LRRC37A2: variants seen among roughly 807,000 people sequenced by gnomAD.
The protein encoded by LRRC37A2 is leucine rich repeat containing 37 member A2.
A neutral mutation model predicts 68.8 loss-of-function variants in LRRC37A2; 9 were observed. The ratio of observed to expected loss-of-function variants is 0.13; its 90% CI spans 0.08 to 0.23. The LOEUF (loss-of-function observed/expected upper bound fraction) is 0.23. LRRC37A2 is among the 10% of genes least tolerant of loss of function. The pLI, the probability that LRRC37A2 is intolerant of heterozygous loss-of-function variation, is 1.00. For synonymous variants in LRRC37A2, 63 were observed against 367.6 expected (o/e 0.17, Z 9.48); for missense variants, 168 against 950.4 (o/e 0.18, Z 10.82).
At chr17:46,833,336 T>C in the LRRC37A2 span, 11 of 517,344 alleles carry the variant, frequency 2.1e-5, no homozygotes, top group African/African-American at 3.8e-5. Context: ...TTGCTTCTTG[T>C]ATCAATTGCA....
chr17:46,900,164 T>TAC, the LRRC37A2 span, among the ~76,000 whole-genome samples: 1 of 17,994 alleles, frequency 5.6e-5, no homozygotes, highest in Non-Finnish European at 1.0e-4. Flanking sequence ...TATATATACA[T>TAC]ATACATATAT....
the LRRC37A2 span, among the ~76,000 whole-genome samples, chr17:46,739,728 T>TC: frequency 1.3e-4 from 19 of 144,634 alleles, no homozygotes; most frequent in African/African-American, 4.6e-4. Flanking sequence ...GTTCTTTTTT[T>TC]CTGATTTTTT....
intron 6 of LRRC37A2, among the ~76,000 whole-genome samples, chr17:46,533,832 G>A (rs1357566715): frequency 1.1e-5 from 1 of 94,450 alleles, no homozygotes; most frequent in African/African-American, 6.2e-5. Flanking sequence ...GCAGATTCAC[G>A]TTAGTACTCC....
At chr17:47,040,128 A>G in the LRRC37A2 span, among the ~76,000 whole-genome samples, 98 of 151,674 alleles carry the variant, frequency 6.5e-4, no homozygotes, top group African/African-American at 2.2e-3. Context: ...CTCTTTGAAT[A>G]TATTTTAAAT....
the LRRC37A2 span, among the ~76,000 whole-genome samples, chr17:46,708,824 T>TATA: frequency 0.012 from 699 of 58,358 alleles, 2 homozygotes; most frequent in South Asian, 0.033. Context: ...ATATATATAT[T>TATA]TTTTTTTTTT....
chr17:47,043,727 T>G, the LRRC37A2 span, among the ~76,000 whole-genome samples: 39 of 142,032 alleles, frequency 2.7e-4, no homozygotes, highest in African/African-American at 9.5e-4. Flanking sequence ...AAGCCATGAA[T>G]TTTAAAAACT....
At chr17:46,502,328 G>A in the LRRC37A2 span, among the ~76,000 whole-genome samples, 1 of 150,972 alleles carries the variant, frequency 6.6e-6, no homozygotes, top group South Asian at 2.1e-4. Flanking sequence ...TTGTTTTTTC[G>A]AGGTGGAGTT....
chr17:46,729,489 G>A, the LRRC37A2 span, among the ~76,000 whole-genome samples: 6 of 152,010 alleles, frequency 3.9e-5, no homozygotes, highest in East Asian at 1.9e-4. Context: ...GTGGCTATTA[G>A]AGACTTGTGA....
chr17:46,833,806 G>A, the LRRC37A2 span, among the ~76,000 whole-genome samples: 3 of 152,158 alleles, frequency 2.0e-5, no homozygotes, highest in Non-Finnish European at 2.9e-5. Context: ...TCCTGATCGG[G>A]AGGCTTGCTT....
At chr17:46,937,352 T>C in the LRRC37A2 span, 3 of 152,246 alleles carry the variant, frequency 2.0e-5, no homozygotes, top group African/African-American at 7.2e-5. Context: ...TTGGTATCAA[T>C]GATTATTGGA....
At chr17:46,872,796 G>A in the LRRC37A2 span, 61 of 1,369,696 alleles carry the variant, frequency 4.5e-5, no homozygotes, top group South Asian at 1.3e-4. Flanking sequence ...GCTAGGGGAC[G>A]GGGAGGGCTG....
chr17:46,405,015 C>A, the LRRC37A2 span, among the ~76,000 whole-genome samples: 2 of 87,854 alleles, frequency 2.3e-5, no homozygotes, highest in Non-Finnish European at 2.7e-5. Context: ...CCAGCCTGGG[C>A]AACGTGATGA....
the LRRC37A2 span, among the ~76,000 whole-genome samples, chr17:46,816,924 C>G: frequency 6.6e-6 from 1 of 152,318 alleles, no homozygotes; most frequent in African/African-American, 2.4e-5. Context: ...CAGCCTTTCC[C>G]CAGACTGGCC....
chr17:47,018,332 G>A, the LRRC37A2 span: 2 of 1,611,404 alleles, frequency 1.2e-6, no homozygotes. Flanking sequence ...TGACCCAGCA[G>A]GAGACCCCAG....
At chr17:46,938,190 T>C in the LRRC37A2 span, among the ~76,000 whole-genome samples, 1 of 151,918 alleles carries the variant, frequency 6.6e-6, no homozygotes, top group Non-Finnish European at 1.5e-5. Context: ...TATTCTCCTG[T>C]GTTTTTTTCT....
chr17:46,726,003 A>G, the LRRC37A2 span, among the ~76,000 whole-genome samples: 1 of 152,194 alleles, frequency 6.6e-6, no homozygotes, highest in African/African-American at 2.4e-5. Context: ...ATCTTAAGAC[A>G]GTGCATTCAT....
chr17:46,999,402 G>A, the LRRC37A2 span, among the ~76,000 whole-genome samples: 2 of 152,198 alleles, frequency 1.3e-5, no homozygotes, highest in Non-Finnish European at 2.9e-5. Context: ...TCATACCCAG[G>A]ATGTAGTGCA....
chr17:46,497,094 A>G, the LRRC37A2 span, among the ~76,000 whole-genome samples: 2 of 132,970 alleles, frequency 1.5e-5, no homozygotes, highest in African/African-American at 3.1e-5. Flanking sequence ...GGGTTTTGCC[A>G]TGTTGCCCAG....
chr17:46,735,833 G>A, the LRRC37A2 span, among the ~76,000 whole-genome samples: 4 of 152,014 alleles, frequency 2.6e-5, no homozygotes, highest in African/African-American at 7.2e-5. Context: ...TAATCCCAGC[G>A]ACTCGGGAAG....
Sources: allele counts gnomAD v4.1 joint callset (sites outside exome capture counted in the v4.1 genomes callset), GRCh38; gene constraint gnomAD v4.1.1; transcripts MANE v1.5; gene names NCBI Gene and HGNC (gene_info 2026-07-23, HGNC 2026-07-21).